The following CPQ variants were observed in gnomAD, a reference collection of about 807,000 sequenced individuals.
The protein encoded by CPQ is carboxypeptidase Q.
CPQ carries 37 observed loss-of-function variants against 45.7 expected under a neutral mutation model. The ratio of observed to expected loss-of-function variants is 0.81; its 90% confidence interval spans 0.62 to 1.07. The LOEUF (loss-of-function observed/expected upper bound fraction) is 1.07, where lower values mean the gene tolerates loss of function less well. CPQ is among the 50% of genes least tolerant of loss of function. The pLI is 0.00. For synonymous variants in CPQ, 186 were observed against 205.8 expected, an observed-to-expected ratio of 0.90 and a Z score of 0.82; for missense variants, 537 against 572.9, an observed-to-expected ratio of 0.94 and a Z score of 0.64.
At chr8:96,740,068 A>G (rs1023728840) in intron 1 of CPQ, among the ~76,000 whole-genome samples, 1 of 151,994 alleles carries the variant, frequency 6.6e-6, no homozygotes, top group African/African-American at 2.4e-5. Flanking sequence ...GGCCATTTTC[A>G]TGATATTGAT....
At chr8:97,129,757 C>T (rs970801478) in intron 7 of CPQ, among the ~76,000 whole-genome samples, 1 of 152,094 alleles carries the variant, frequency 6.6e-6, no homozygotes, top group Non-Finnish European at 1.5e-5. Flanking sequence ...TTTAGCTGTG[C>T]TCTTTTATAT....
At chr8:96,753,524 T>C (rs1233205527) in intron 1 of CPQ, among the ~76,000 whole-genome samples, 3 of 151,350 alleles carry the variant, frequency 2.0e-5, no homozygotes, top group Non-Finnish European at 3.0e-5. Context: ...TCTTCTATCT[T>C]GCATCCCTCA....
chr8:96,894,167 G>A (rs578120643), intron 4 of CPQ, among the ~76,000 whole-genome samples: 6 of 152,254 alleles, frequency 3.9e-5, no homozygotes, highest in Non-Finnish European at 7.4e-5. Flanking sequence ...GTCCAGTCTA[G>A]GCTTCAGATG....
chr8:96,735,297 C>T (rs1809967930), intron 1 of CPQ, among the ~76,000 whole-genome samples: 1 of 152,164 alleles, frequency 6.6e-6, no homozygotes, highest in Non-Finnish European at 1.5e-5. Flanking sequence ...TCAATAACTT[C>T]CAGCTGAATC....
chr8:96,933,591 C>A (rs1056605645), intron 4 of CPQ, among the ~76,000 whole-genome samples: 1 of 152,144 alleles, frequency 6.6e-6, no homozygotes, highest in African/African-American at 2.4e-5. Flanking sequence ...AGGAAGCACA[C>A]AGGGCAGAGG....
chr8:97,003,654 A>G (rs1240281735), intron 5 of CPQ, among the ~76,000 whole-genome samples: 2 of 152,162 alleles, frequency 1.3e-5, no homozygotes, highest in African/African-American at 2.4e-5. Flanking sequence ...AGTGAATTTG[A>G]TGACTGAAGG....
At chr8:96,800,263 C>T (rs1810988777) in intron 2 of CPQ, among the ~76,000 whole-genome samples, 1 of 152,128 alleles carries the variant, frequency 6.6e-6, no homozygotes, top group Non-Finnish European at 1.5e-5. Flanking sequence ...AAATGTTCAA[C>T]TCATTAGTAA....
intron 1 of CPQ, among the ~76,000 whole-genome samples, chr8:96,758,335 G>C (rs533924814): frequency 6.6e-6 from 1 of 152,090 alleles, no homozygotes; most frequent in Non-Finnish European, 1.5e-5. Context: ...AAACTCTATG[G>C]GTAATCAACA....
At chr8:96,858,665 T>G (rs969042711) in intron 3 of CPQ, among the ~76,000 whole-genome samples, 2 of 152,188 alleles carry the variant, frequency 1.3e-5, no homozygotes, top group African/African-American at 4.8e-5. Context: ...TCTTTTCCTG[T>G]GATGCAGAAA....
intron 5 of CPQ, among the ~76,000 whole-genome samples, chr8:97,008,359 G>T (rs1809425244): frequency 6.6e-6 from 1 of 152,184 alleles, no homozygotes; most frequent in African/African-American, 2.4e-5. Context: ...GACATTTTAG[G>T]ATGTCTGTTT....
At chr8:96,666,187 T>TA (rs1319660937) in intron 1 of CPQ, among the ~76,000 whole-genome samples, 1 of 152,098 alleles carries the variant, frequency 6.6e-6, no homozygotes, top group Non-Finnish European at 1.5e-5. Flanking sequence ...CCTGTGGTTA[T>TA]AAAGGCAGGA....
At chr8:97,124,043 G>A (rs1400278462) in intron 7 of CPQ, among the ~76,000 whole-genome samples, 1 of 151,778 alleles carries the variant, frequency 6.6e-6, no homozygotes, top group African/African-American at 2.4e-5. Flanking sequence ...GGCCAACATG[G>A]TGAAACCCCA....
intron 1 of CPQ, among the ~76,000 whole-genome samples, chr8:96,684,078 T>A (rs1294716786): frequency 6.6e-6 from 1 of 152,240 alleles, no homozygotes; most frequent in African/African-American, 2.4e-5. Flanking sequence ...ATAATTATTG[T>A]GTTTCTTTTG....
chr8:97,013,622 A>G (rs1411054691), intron 5 of CPQ, among the ~76,000 whole-genome samples: 12 of 152,208 alleles, frequency 7.9e-5, no homozygotes, highest in Non-Finnish European at 1.5e-4. Flanking sequence ...AGAAAAAGAA[A>G]GGACAAACCA....
intron 1 of CPQ, among the ~76,000 whole-genome samples, chr8:96,688,839 A>T (rs184736510): frequency 6.6e-6 from 1 of 152,294 alleles, no homozygotes; most frequent in Admixed American, 6.5e-5. Flanking sequence ...AATTAAGACA[A>T]TTGCTACCTT....
intron 4 of CPQ, among the ~76,000 whole-genome samples, chr8:96,908,186 G>GGAGAAGAGAGA (rs1291991561): frequency 2.6e-5 from 4 of 151,030 alleles, no homozygotes; most frequent in Non-Finnish European, 5.9e-5. Flanking sequence ...GAGGAGAGAG[G>GGAGAAGAGAGA]GAGAAGAGAG....
chr8:96,802,672 A>G (rs1317577334), intron 2 of CPQ, among the ~76,000 whole-genome samples: 2 of 152,140 alleles, frequency 1.3e-5, no homozygotes, highest in Non-Finnish European at 2.9e-5. Context: ...AGATGGCTTA[A>G]AGGTTTTAGG....
At chr8:96,671,552 A>G (rs1481001165) in intron 1 of CPQ, among the ~76,000 whole-genome samples, 1 of 152,188 alleles carries the variant, frequency 6.6e-6, no homozygotes, top group Non-Finnish European at 1.5e-5. Flanking sequence ...AAAGAAAAAC[A>G]AATGGCCTAC....
intron 1 of CPQ, among the ~76,000 whole-genome samples, chr8:96,779,903 A>T (rs1029282990): frequency 6.6e-6 from 1 of 152,206 alleles, no homozygotes; most frequent in African/African-American, 2.4e-5. Flanking sequence ...GACCCTATGC[A>T]TATAAATAGT....
Sources: allele counts gnomAD v4.1 joint callset (sites outside exome capture counted in the v4.1 genomes callset), GRCh38; gene constraint gnomAD v4.1.1; transcripts MANE v1.5; gene names NCBI Gene and HGNC (gene_info 2026-07-23, HGNC 2026-07-21).